The following TNRC6B variants were observed in gnomAD, a reference collection of about 807,000 sequenced individuals.
TNRC6B encodes trinucleotide repeat-containing gene 6B protein.
In TNRC6B, 52 loss-of-function variants were observed where a neutral mutation model predicts 203.6. The observed-to-expected ratio is 0.26, with a 90% CI of 0.20 to 0.32. The LOEUF is 0.32. TNRC6B is among the 10% of genes least tolerant of loss of function. TNRC6B has a pLI of 1.00. For synonymous variants in TNRC6B, 838 were observed against 845.7 expected (o/e 0.99, Z 0.16); for missense variants, 1,923 against 2,286.2 (o/e 0.84, Z 3.24).
chr22:40,175,901 G>GA (rs2069051466), upstream of TNRC6B, among the ~76,000 whole-genome samples: 1 of 152,194 alleles, frequency 6.6e-6, no homozygotes, highest in Non-Finnish European at 1.5e-5. Flanking sequence ...GCAAAGGCGG[G>GA]AGACTGTATA....
intron 1 of TNRC6B, among the ~76,000 whole-genome samples, chr22:40,202,385 G>C (rs535577331): frequency 2.6e-5 from 4 of 151,394 alleles, no homozygotes; most frequent in African/African-American, 9.7e-5. Flanking sequence ...CTTATTTTTA[G>C]GGTATTATAA....
rs780005995 is a variant in TNRC6B, at chr22:40,273,481, C to T, written c.3022C>T (p.Arg1008Cys). 20 of 1,608,686 alleles carry T rather than the reference C, an allele frequency of 1.2e-5. No homozygotes were observed. Among genetic ancestry groups the T allele is most frequent in the South Asian group, 4.5e-5 (4 of 89,832 alleles). The change falls in exon 7 of 23, where the codon CGC becomes TGC. Residue 1008 changes from arginine to cysteine, a missense_variant. Arg to Cys is a radical substitution (Grantham distance 180). Coordinates refer to ENST00000454349, the MANE Select transcript of TNRC6B (RefSeq NM_001162501.2). ...GAGTGACGGGCCAGTCACAGGAGCT[C>T]GCCATCCCAGCTGGGAAGAGGAGGA... ...GESDGPVTGA[R>C]HPSWEEEEDG...
At chr22:40,313,259 G>A (rs908362776) in intron 19 of TNRC6B, among the ~76,000 whole-genome samples, 1 of 152,182 alleles carries the variant, frequency 6.6e-6, no homozygotes, top group Non-Finnish European at 1.5e-5. Flanking sequence ...GAGGGCTGGA[G>A]TCACGTCCTA....
intron 1 of TNRC6B, among the ~76,000 whole-genome samples, chr22:40,205,113 A>G (rs2069462821): frequency 6.6e-6 from 1 of 152,228 alleles, no homozygotes; most frequent in South Asian, 2.1e-4. Context: ...AAATTGATCA[A>G]CTGTTCCTGA....
chr22:40,046,510 G>A (rs1412926920), intron 1 of TNRC6B, among the ~76,000 whole-genome samples: 2 of 152,098 alleles, frequency 1.3e-5, no homozygotes, highest in Admixed American at 6.6e-5. Flanking sequence ...CATTATTTGA[G>A]CAGAGTGGTT....
In TNRC6B at chr22:40,182,270, A is replaced by G. The variant is rs111703003; in HGVS notation, c.5+4130A>G. ...AAAAAAAAAAGAAAAGAAAAGAAAAAAAAGCCAAATAATTACCCCATTTAA... is the reference window on the plus strand; with the variant it reads ...AAAAAAAAAAGAAAAGAAAAGAAAAGAAAGCCAAATAATTACCCCATTTAA... On this transcript the variant is annotated intron_variant, in intron 1 of 22. Transcript: ENST00000454349. Among the ~76,000 whole-genome samples, 10 of 152,228 alleles carry G rather than the reference A, an allele frequency of 6.6e-5. 1 individual carries two copies. The highest frequency in any genetic ancestry group is 2.2e-4 in the African/African-American group (9 of 41,498).
At chr22:40,185,751 A>G (rs2069192977) in intron 1 of TNRC6B, among the ~76,000 whole-genome samples, 1 of 152,170 alleles carries the variant, frequency 6.6e-6, no homozygotes, top group Admixed American at 6.5e-5. Flanking sequence ...TTGATATGGC[A>G]GTGGTGCAGA....
At chr22:40,245,968 T>G in intron 1 of TNRC6B, 47 bp from the exon 2 acceptor site, 1 of 1,443,386 alleles carries the variant, frequency 6.9e-7, no homozygotes, top group East Asian at 2.5e-5. Flanking sequence ...CGGAAATGGA[T>G]TGTGAATGTA....
At chr22:40,061,900 C>T (rs1601791929) in intron 1 of TNRC6B, among the ~76,000 whole-genome samples, 1 of 151,976 alleles carries the variant, frequency 6.6e-6, no homozygotes, top group African/African-American at 2.4e-5. Context: ...ATGGTGAAAC[C>T]TTGTCTCTAC....
intron 1 of TNRC6B, among the ~76,000 whole-genome samples, chr22:40,184,856 G>A (rs1402685792): frequency 6.6e-5 from 10 of 152,122 alleles, no homozygotes; most frequent in Admixed American, 6.5e-4. Flanking sequence ...TTTAGATGAG[G>A]CACAGGTGTG....
intron 15 of TNRC6B, among the ~76,000 whole-genome samples, chr22:40,306,492 G>A (rs1040846023): frequency 4.6e-5 from 7 of 152,078 alleles, no homozygotes; most frequent in Admixed American, 3.3e-4. Context: ...CTTTCAGGTG[G>A]CCTGGAATCC....
At chr22:40,131,378 G>A (rs2068543816) in intron 3 of TNRC6B, among the ~76,000 whole-genome samples, 1 of 150,586 alleles carries the variant, frequency 6.6e-6, no homozygotes, top group Non-Finnish European at 1.5e-5. Context: ...GTTGGGAATT[G>A]TAGACTTTGA....
At chr22:40,279,109 C>G (rs2070691301) in intron 9 of TNRC6B, among the ~76,000 whole-genome samples, 1 of 152,160 alleles carries the variant, frequency 6.6e-6, no homozygotes, top group African/African-American at 2.4e-5. Context: ...AAATTGTGTG[C>G]CAGATGTGGC....
intron 3 of TNRC6B, among the ~76,000 whole-genome samples, chr22:40,127,229 T>A (rs1175422413): frequency 6.6e-6 from 1 of 152,174 alleles, no homozygotes; most frequent in Non-Finnish European, 1.5e-5. Context: ...AACAACTCTT[T>A]CCATTTCTTT....
At chr22:40,169,196 A>T (rs2068947758) in intron 4 of TNRC6B, among the ~76,000 whole-genome samples, 1 of 140,960 alleles carries the variant, frequency 7.1e-6, no homozygotes, top group Middle Eastern at 4.2e-3. Context: ...CAGTGGCATG[A>T]TCTCGGGTTA....
At chr22:40,056,151 C>A (rs1404109324) in intron 1 of TNRC6B, among the ~76,000 whole-genome samples, 1 of 152,202 alleles carries the variant, frequency 6.6e-6, no homozygotes, top group Non-Finnish European at 1.5e-5. Context: ...TAGCCATCTT[C>A]CATTCTATTT....
intron 3 of TNRC6B, among the ~76,000 whole-genome samples, chr22:40,260,615 A>G (rs1372224379): frequency 6.6e-6 from 1 of 152,216 alleles, no homozygotes; most frequent in Non-Finnish European, 1.5e-5. Context: ...GGGCTTCAAT[A>G]AAGTTTACTC....
At chr22:40,198,233 AT>A (rs1225101956) in intron 1 of TNRC6B, among the ~76,000 whole-genome samples, 1 of 152,192 alleles carries the variant, frequency 6.6e-6, no homozygotes, top group Non-Finnish European at 1.5e-5. Context: ...TGTTTACACT[AT>A]TAATTTACTT....
Position 40,262,117 on chromosome 22 carries a change from C to A in TNRC6B, c.401C>A (p.Pro134Gln). The change falls in exon 4 of 23, where the codon CCA (proline) becomes CAA (glutamine). Residue 134 changes from proline (P) to glutamine (Q), a missense_variant. Coordinates refer to ENST00000454349, the MANE Select transcript of TNRC6B (RefSeq NM_001162501.2). ...PPPCTAPGAN[P>Q]NNAQVTGALL... ...CCCTGCACAGCACCTGGAGCAAACC[C>A]AAACAACGCACAAGTGACAGGAGCG... The A allele has an allele frequency of 6.6e-7, 1 of 1,510,592 alleles. No individual in the cohort carries two copies. Among genetic ancestry groups the A allele is most frequent in the East Asian group, 2.3e-5 (1 of 42,984 alleles). 93.6% of individuals were successfully genotyped at this position (1,510,592 alleles called of 1,614,324 possible). A position where few individuals can be genotyped will look rare whatever the true frequency, so the allele number is the denominator to read the frequency against.
Sources: gnomAD v4.1 joint callset for allele counts (sites outside exome capture counted in the v4.1 genomes callset) on GRCh38, gnomAD v4.1.1 for gene constraint, MANE v1.5 for transcripts, NCBI Gene and HGNC (gene_info 2026-07-23, HGNC 2026-07-21) for gene names.